The following CCDC171 variants were observed in gnomAD, a reference collection of about 807,000 sequenced individuals.
CCDC171 encodes coiled-coil domain-containing protein 171.
A neutral mutation model predicts 168.2 loss-of-function variants in CCDC171; 177 were observed. The observed-to-expected ratio is 1.05, with a 90% CI of 0.93 to 1.19. CCDC171 has a LOEUF of 1.19. CCDC171 is among the 50% of genes most tolerant of loss of function. The probability of loss-of-function intolerance (pLI) is 0.00; values close to 1 mark genes in which losing one functional copy is unlikely to be tolerated. For synonymous variants in CCDC171, 687 were observed against 540.8 expected, an observed-to-expected ratio of 1.27 and a Z score of -3.75; for missense variants, 1,991 against 1,539.0, an observed-to-expected ratio of 1.29 and a Z score of -4.91.
chr9:15,854,999 A>T (rs2061293643), intron 23 of CCDC171, among the ~76,000 whole-genome samples: 1 of 151,680 alleles, frequency 6.6e-6, no homozygotes, highest in Non-Finnish European at 1.5e-5. Context: ...ATGCTCCAAT[A>T]TATGGTCTGT....
rs569065279 is a variant in CCDC171 at position 15,947,957 on chromosome 9, C to T, written c.3754-23652C>T. On this transcript the variant is annotated intron_variant, in intron 25 of 25. Coordinates refer to ENST00000380701, the MANE Select transcript of CCDC171 (RefSeq NM_173550.4). ...ATCATCTAGCATTGGGTATATCTCC[C>T]AATGCTATCCCTCCCCGCTGCCCCC... 2.3e-3 allele frequency among the ~76,000 whole-genome samples: 349 copies of T among 151,526 alleles called. 3 individuals carry two copies. Among genetic ancestry groups the T allele is most frequent in the African/African-American group, 7.9e-3 (327 of 41,176 alleles).
Position 15,972,274 on chromosome 9 carries a change from A to C in CCDC171, c.*438A>C, listed in dbSNP as rs771065825. The C allele has an allele frequency of 3.1e-5, 5 of 162,960 alleles. No homozygotes were observed. The highest frequency in any genetic ancestry group is 4.8e-5 in the African/African-American group (2 of 41,540). 10.1% of individuals were successfully genotyped at this position (162,960 alleles called of 1,614,324 possible). A position where few individuals can be genotyped will look rare whatever the true frequency, so the allele number is the denominator to read the frequency against. ...TTTCATGGCAGCCCGGCCATGGTTCACTGAGCCCCCTCTTCTCTCTTGTCA... is the reference window on the plus strand; with the variant it reads ...TTTCATGGCAGCCCGGCCATGGTTCCCTGAGCCCCCTCTTCTCTCTTGTCA... On this transcript the variant is annotated 3_prime_UTR_variant, in exon 26 of 26. Coordinates refer to ENST00000380701, the MANE Select transcript of CCDC171 (RefSeq NM_173550.4).
the CCDC171 span, among the ~76,000 whole-genome samples, chr9:16,076,560 C>T: frequency 1.3e-5 from 2 of 152,166 alleles, no homozygotes; most frequent in Non-Finnish European, 2.9e-5. Context: ...TCCCATATCC[C>T]TAGGGTCCCA....
chr9:15,843,384 T>C (rs980076293), intron 21 of CCDC171, among the ~76,000 whole-genome samples: 1 of 152,144 alleles, frequency 6.6e-6, no homozygotes, highest in Non-Finnish European at 1.5e-5. Context: ...TTATCATATC[T>C]AGCCTTAACT....
In CCDC171 at chr9:15,745,618, C is replaced by T. The variant is rs754883144; in HGVS notation, c.2658C>T (p.Val886=). The change falls in exon 18 of 26, where the codon GTC becomes GTT. Residue 886 remains valine, a synonymous_variant. Coordinates refer to ENST00000380701, the MANE Select transcript of CCDC171 (RefSeq NM_173550.4). ...IISSMAELQD[V]IGKADPNSRI... ...GTTCTATGGCTGAATTACAAGACGT[C>T]ATTGGTAAAGCAGGTATGGTTCCTT... The T allele has an allele frequency of 2.5e-5, 39 of 1,568,594 alleles. 1 individual carries two copies. The South Asian group carries it at 4.5e-4, about 18-fold the overall frequency.
chr9:15,700,658 T>A (rs2051656498), intron 11 of CCDC171, among the ~76,000 whole-genome samples: 1 of 151,066 alleles, frequency 6.6e-6, no homozygotes, highest in South Asian at 2.1e-4. Flanking sequence ...TATTTTGTAT[T>A]TTTTTTTTAA....
chr9:15,819,623 T>C (rs1162129921), intron 21 of CCDC171, among the ~76,000 whole-genome samples: 1 of 116,836 alleles, frequency 8.6e-6, no homozygotes, highest in Non-Finnish European at 1.9e-5. Context: ...AGGGATAAAT[T>C]CAACAAGAAG....
intron 1 of CCDC171, among the ~76,000 whole-genome samples, chr9:15,562,398 G>A (rs1325668293): frequency 1.3e-5 from 2 of 152,066 alleles, no homozygotes; most frequent in East Asian, 1.9e-4. Context: ...CATCTTTGCT[G>A]TATTCTCCTG....
At chr9:15,555,525 G>A (rs1027644504) in intron 1 of CCDC171, among the ~76,000 whole-genome samples, 1 of 152,142 alleles carries the variant, frequency 6.6e-6, no homozygotes, top group Admixed American at 6.5e-5. Context: ...GATAAGTGAG[G>A]TCTTACATGC....
At chr9:15,596,740 T>C (rs1339805485) in intron 6 of CCDC171, among the ~76,000 whole-genome samples, 2 of 151,870 alleles carry the variant, frequency 1.3e-5, no homozygotes, top group African/African-American at 4.8e-5. Context: ...TTGGGCAGTA[T>C]GGCCATTTTC....
intron 9 of CCDC171, among the ~76,000 whole-genome samples, chr9:15,674,512 C>T (rs1416611759): frequency 2.6e-5 from 4 of 152,098 alleles, no homozygotes; most frequent in African/African-American, 4.8e-5. Context: ...TGTAAATTTC[C>T]CTCTACACAC....
chr9:15,663,387 T>TA (rs1419297528), intron 8 of CCDC171, among the ~76,000 whole-genome samples: 2 of 152,266 alleles, frequency 1.3e-5, no homozygotes, highest in Non-Finnish European at 2.9e-5. Flanking sequence ...TCTACAGAGT[T>TA]AAAAAATTAA....
intron 21 of CCDC171, among the ~76,000 whole-genome samples, chr9:15,811,022 A>C (rs2059332297): frequency 6.6e-6 from 1 of 152,258 alleles, no homozygotes; most frequent in Non-Finnish European, 1.5e-5. Context: ...TCAGCAGCAT[A>C]AATATAGAAA....
intron 24 of CCDC171, among the ~76,000 whole-genome samples, chr9:15,914,531 C>G (rs111497967): frequency 1.3e-5 from 2 of 152,106 alleles, no homozygotes; most frequent in African/African-American, 4.8e-5. Context: ...TGACTTCGGA[C>G]TGCTGTGCTG....
chr9:15,917,431 G>T (rs1016884509), intron 24 of CCDC171, among the ~76,000 whole-genome samples: 7 of 151,520 alleles, frequency 4.6e-5, no homozygotes, highest in Non-Finnish European at 1.0e-4. Context: ...TAAGAGAGTT[G>T]GAATGTTTAA....
chr9:15,962,234 G>T (rs1443045241), intron 25 of CCDC171, among the ~76,000 whole-genome samples: 1 of 152,166 alleles, frequency 6.6e-6, no homozygotes, highest in African/African-American at 2.4e-5. Flanking sequence ...ACAAAGGTCT[G>T]ACCTTTGGTT....
chr9:15,713,815 G>A (rs1395360393), intron 11 of CCDC171, among the ~76,000 whole-genome samples: 1 of 151,674 alleles, frequency 6.6e-6, no homozygotes, highest in Admixed American at 6.6e-5. Context: ...AGAGAATGAA[G>A]TGGAGCATGT....
chr9:16,010,152 ATG>A (rs1276224361), intron 3 of CCDC171, among the ~76,000 whole-genome samples: 1 of 151,874 alleles, frequency 6.6e-6, no homozygotes, highest in African/African-American at 2.4e-5. Context: ...TGAAGTCTGA[ATG>A]TGTGTGTGTG....
chr9:15,634,631 TA>T (rs925290913), intron 7 of CCDC171, among the ~76,000 whole-genome samples: 2 of 151,884 alleles, frequency 1.3e-5, no homozygotes, highest in East Asian at 1.9e-4. Flanking sequence ...CAGCGATGAG[TA>T]AAAAAAACAC....
Sources: gnomAD v4.1 joint callset for allele counts (sites outside exome capture counted in the v4.1 genomes callset) on GRCh38, gnomAD v4.1.1 for gene constraint, MANE v1.5 for transcripts, NCBI Gene and HGNC (gene_info 2026-07-23, HGNC 2026-07-21) for gene names.